FSD2: variants seen among roughly 807,000 people sequenced by gnomAD.
FSD2 encodes the protein fibronectin type III and SPRY domain-containing protein 2.
Under a neutral mutation model 80.4 loss-of-function variants are expected in FSD2, and 71 were observed. That is an observed-to-expected ratio of 0.88 (90% CI 0.73 to 1.08). The LOEUF (loss-of-function observed/expected upper bound fraction) is 1.08. FSD2 is among the 50% of genes least tolerant of loss of function. The pLI is 0.00. For missense variants in FSD2, 923 were observed against 913.8 expected, an observed-to-expected ratio of 1.01 and a Z score of -0.13; for synonymous variants, 361 against 329.5, an observed-to-expected ratio of 1.10 and a Z score of -1.03.
At chr15:82,781,138 G>A (rs2049846899) in intron 4 of FSD2, among the ~76,000 whole-genome samples, 1 of 152,172 alleles carries the variant, frequency 6.6e-6, no homozygotes, top group South Asian at 2.1e-4. Context: ...ACAGTTAATT[G>A]TGAACAGTTA....
chr15:82,783,218 G>T (rs535330389), intron 3 of FSD2, among the ~76,000 whole-genome samples, 193 bp from the exon 4 acceptor site: 14 of 152,062 alleles, frequency 9.2e-5, no homozygotes, highest in African/African-American at 3.1e-4. Context: ...CCTGCTTCAG[G>T]CTCCTGAGTA....
chr15:82,766,175 G>T, intron 9 of FSD2, 144 bp from the exon 10 acceptor site: 1 of 878,096 alleles, frequency 1.1e-6, no homozygotes, highest in Non-Finnish European at 1.7e-6. Flanking sequence ...ATAGCCAGGA[G>T]TGCTGGCTCC....
intron 8 of FSD2, among the ~76,000 whole-genome samples, chr15:82,769,371 A>G (rs2049503397): frequency 1.3e-5 from 2 of 151,870 alleles, no homozygotes; most frequent in South Asian, 4.2e-4. Flanking sequence ...GGAGTTCGAG[A>G]CCAACCTGGC....
intron 1 of FSD2, among the ~76,000 whole-genome samples, chr15:82,794,709 G>T (rs567827176): frequency 6.7e-6 from 1 of 149,918 alleles, no homozygotes; most frequent in East Asian, 1.9e-4. Context: ...ATATCTTTTT[G>T]ATGGATTGGC....
At chr15:82,803,706 C>T (rs1326538055) in intron 1 of FSD2, among the ~76,000 whole-genome samples, 1 of 152,162 alleles carries the variant, frequency 6.6e-6, no homozygotes, top group Admixed American at 6.5e-5. Flanking sequence ...GAAGCTCATC[C>T]TTGACACCCC....
At chr15:82,786,289 G>T (rs1245497124) in intron 3 of FSD2, among the ~76,000 whole-genome samples, 1 of 152,192 alleles carries the variant, frequency 6.6e-6, no homozygotes, top group African/African-American at 2.4e-5. Flanking sequence ...TTCACACCAA[G>T]AGCTTATAGT....
At position 82,786,735 on chromosome 15, in the gene FSD2, C is replaced by A; in HGVS notation, c.639+17G>T. On this transcript the variant is annotated intron_variant, in intron 2 of 12. Transcript: ENST00000334574. Reference sequence around the variant, plus strand: ...AAGCAATATCAAGACAGAGAAGAACCAAGGACACCTATTTACCTTGGCACT... The same window carrying A: ...AAGCAATATCAAGACAGAGAAGAACAAAGGACACCTATTTACCTTGGCACT... 1 of 1,611,026 alleles carries A rather than the reference C, an allele frequency of 6.2e-7. No homozygotes were observed. The highest frequency in any genetic ancestry group is 8.5e-7 in the Non-Finnish European group (1 of 1,178,070).
intron 9 of FSD2, among the ~76,000 whole-genome samples, chr15:82,768,253 C>T (rs1229634361): frequency 6.6e-6 from 1 of 152,200 alleles, no homozygotes; most frequent in Non-Finnish European, 1.5e-5. Flanking sequence ...CTTTTAGTTC[C>T]TCCAGCAGCT....
intron 5 of FSD2, among the ~76,000 whole-genome samples, chr15:82,779,965 G>A (rs1309757585): frequency 6.6e-6 from 1 of 152,104 alleles, no homozygotes; most frequent in Non-Finnish European, 1.5e-5. Flanking sequence ...ACAGATCTCA[G>A]TTCTTTCTGG....
rs1444442923 is a variant in FSD2, at chr15:82,769,858, A to G, written c.1294T>C (p.Tyr432His). Reference sequence around the variant, plus strand: ...GGCACAAGGTTTGTCACTGAGCAATATGTTTCTTTGACAGTCACTGTAAAC... The same window carrying G: ...GGCACAAGGTTTGTCACTGAGCAATGTGTTTCTTTGACAGTCACTGTAAAC... ...AEFTVTVKET[Y>H]CSVTNLVPNT... Residue 432 changes from tyrosine to histidine, a missense_variant, in exon 8 of 13, where the codon TAT becomes CAT. Transcript: ENST00000334574. The G allele has an allele frequency of 9.9e-6, 16 of 1,613,820 alleles. No individual in the cohort carries two copies. Among genetic ancestry groups the G allele is most frequent in the South Asian group, 4.4e-5 (4 of 91,084 alleles).
intron 1 of FSD2, among the ~76,000 whole-genome samples, chr15:82,802,542 A>G (rs1025910739): frequency 8.5e-5 from 13 of 152,148 alleles, no homozygotes; most frequent in Admixed American, 2.6e-4. Context: ...ATAATGTCTT[A>G]CCATTAACAG....
intron 1 of FSD2, among the ~76,000 whole-genome samples, chr15:82,795,095 T>C (rs919443813): frequency 2.0e-4 from 31 of 152,206 alleles, no homozygotes; most frequent in African/African-American, 7.2e-4. Context: ...AAATCCATTT[T>C]TTCGGATGTC....
At chr15:82,771,132 C>T (rs2049559495) in intron 7 of FSD2, among the ~76,000 whole-genome samples, 1 of 152,186 alleles carries the variant, frequency 6.6e-6, no homozygotes, top group Non-Finnish European at 1.5e-5. Context: ...GAAACACCAT[C>T]CTCAGCTTCT....
At chr15:82,788,977 TAAA>T (rs35788113) in intron 1 of FSD2, among the ~76,000 whole-genome samples, 3 of 137,434 alleles carry the variant, frequency 2.2e-5, no homozygotes, top group African/African-American at 5.4e-5. Flanking sequence ...AGACTCTGTC[TAAA>T]AAAAAAAAAA....
chr15:82,779,027 A>G (rs1034897750), intron 5 of FSD2, 140 bp from the exon 6 acceptor site: 20 of 1,016,682 alleles, frequency 2.0e-5, no homozygotes, highest in South Asian at 1.6e-4. Flanking sequence ...GCTGGCTGCC[A>G]TCTACCATCT....
At chr15:82,782,071 T>TAAC (rs2049873173) in intron 4 of FSD2, among the ~76,000 whole-genome samples, 1 of 68,238 alleles carries the variant, frequency 1.5e-5, no homozygotes, top group Non-Finnish European at 2.8e-5. Context: ...CTCAAAATAA[T>TAAC]AATAATAATA....
At chr15:82,775,012 G>A (rs896489542) in intron 6 of FSD2, among the ~76,000 whole-genome samples, 1 of 151,366 alleles carries the variant, frequency 6.6e-6, no homozygotes, top group Admixed American at 6.6e-5. Flanking sequence ...GAGCCACCGC[G>A]CCTGGCCTTG....
intron 3 of FSD2, 104 bp from the exon 4 acceptor site, chr15:82,783,129 T>C (rs976548940): frequency 2.5e-6 from 2 of 816,156 alleles, no homozygotes; most frequent in Non-Finnish European, 3.9e-6. Context: ...GACACAGTCT[T>C]GCAGTGTTGC....
intron 1 of FSD2, among the ~76,000 whole-genome samples, chr15:82,799,966 T>C (rs1215870209): frequency 6.6e-6 from 1 of 152,204 alleles, no homozygotes; most frequent in Non-Finnish European, 1.5e-5. Context: ...ACTCTGGCCA[T>C]GAATGTCTGT....
Sources: allele counts gnomAD v4.1 joint callset (sites outside exome capture counted in the v4.1 genomes callset), GRCh38; gene constraint gnomAD v4.1.1; transcripts MANE v1.5; gene names NCBI Gene and HGNC (gene_info 2026-07-23, HGNC 2026-07-21).